The following ZNF653 variants were observed in gnomAD, a reference collection of about 807,000 sequenced individuals.
The protein encoded by ZNF653 is 67 kDa zinc finger protein.
ZNF653 carries 37 observed loss-of-function variants against 59.9 expected under a neutral mutation model. That is an observed-to-expected ratio of 0.62 (90% CI 0.48 to 0.81). The LOEUF (loss-of-function observed/expected upper bound fraction) is 0.81. Ranked by LOEUF, ZNF653 falls within the 40% of genes least tolerant of loss-of-function variation. The pLI is 0.00. For missense variants in ZNF653, 808 were observed against 881.1 expected (o/e 0.92, Z 1.05); for synonymous variants, 435 against 371.8 (o/e 1.17, Z -1.96).
intron 8 of ZNF653, 39 bp from the exon 9 acceptor site, chr19:11,483,898 T>A: frequency 5.6e-6 from 1 of 178,954 alleles, no homozygotes; most frequent in Non-Finnish European, 1.1e-5. Flanking sequence ...GGGGTCAGAG[T>A]GGGCGGGGCG....
Position 11,483,520 on chromosome 19 carries a change from C to T in ZNF653, c.*162G>A, listed in dbSNP as rs1257918986. 6.4e-6 allele frequency: 9 copies of T among 1,400,606 alleles called. No homozygotes were observed. The highest frequency in any genetic ancestry group is 8.4e-6 in the Non-Finnish European group (9 of 1,077,344). 86.8% of individuals were successfully genotyped at this position (1,400,606 alleles called of 1,614,324 possible). On this transcript the variant is annotated 3_prime_UTR_variant, in exon 9 of 9. Coordinates refer to ENST00000293771, the MANE Select transcript of ZNF653 (RefSeq NM_138783.4). ...CAGCTCCGAGAAGGATGCGGTGGGG[C>T]GGGGTGGGGAACCTGCCCAGGGGGC... is the stretch of plus-strand genomic sequence containing the variant.
chr19:11,490,315 G>A (rs981437947), intron 3 of ZNF653, among the ~76,000 whole-genome samples: 9 of 152,176 alleles, frequency 5.9e-5, no homozygotes, highest in Admixed American at 2.0e-4. Flanking sequence ...GGGTACCACC[G>A]TCCCAGCATC....
intron 1 of ZNF653, among the ~76,000 whole-genome samples, chr19:11,501,325 T>C (rs1171534007): frequency 6.6e-6 from 1 of 151,912 alleles, no homozygotes; most frequent in South Asian, 2.1e-4. Context: ...ACCACAGGCA[T>C]GCACCACCAC....
intron 2 of ZNF653, among the ~76,000 whole-genome samples, chr19:11,497,041 C>T (rs1971595953): frequency 6.6e-6 from 1 of 152,216 alleles, no homozygotes; most frequent in Admixed American, 6.5e-5. Flanking sequence ...GCTGTGCCTG[C>T]TTCCTCTAGA....
intron 6 of ZNF653, among the ~76,000 whole-genome samples, chr19:11,486,481 C>G (rs1393372452): frequency 2.6e-5 from 4 of 152,208 alleles, no homozygotes; most frequent in African/African-American, 9.6e-5. Context: ...CCAATTGATT[C>G]ATTCCTTTGT....
In ZNF653 at chr19:11,483,760, G is replaced by A. The variant is rs867686171; in HGVS notation, c.1770C>T (p.Arg590=). ...AEVQYNFTCD[R]CGKRFEKLDS... is the part of the protein sequence containing the mutation. ...CCAGCTTCTCGAAGCGCTTCCCGCA[G>A]CGATCGCACGTGAAGTTGTACTGCA... Residue 590 remains arginine (R), a synonymous_variant, in exon 9 of 9, where the codon CGC becomes CGT. Coordinates refer to ENST00000293771, the MANE Select transcript of ZNF653 (RefSeq NM_138783.4). The A allele has an allele frequency of 1.2e-6, 2 of 1,613,664 alleles. No individual in the cohort carries two copies. The highest frequency in any genetic ancestry group is 1.1e-5 in the South Asian group (1 of 91,046).
At position 11,505,812 on chromosome 19, in the gene ZNF653, C is replaced by T. The variant is rs1026553103; in HGVS notation, c.-26G>A. 14 of 1,365,954 alleles carry T rather than the reference C, an allele frequency of 1.0e-5. No individual in the cohort carries two copies. The highest frequency in any genetic ancestry group is 3.0e-5 in the East Asian group (1 of 33,550). The allele number at this position is 1,365,954 out of a possible 1,614,324, so 84.6% of individuals were successfully genotyped here. A position where few individuals can be genotyped will look rare whatever the true frequency, so the allele number is the denominator to read the frequency against. On this transcript the variant is annotated 5_prime_UTR_variant, in exon 1 of 9. Coordinates refer to ENST00000293771, the MANE Select transcript of ZNF653 (RefSeq NM_138783.4). ...CCCCCCCACCCTGGTTACCAGCCTC[C>T]CCCGTTGTTAGGAGCCAGACCGGAA...
intron 1 of ZNF653, among the ~76,000 whole-genome samples, chr19:11,501,706 G>T (rs1287167606): frequency 6.6e-6 from 1 of 152,170 alleles, no homozygotes; most frequent in African/African-American, 2.4e-5. Flanking sequence ...CACTGGCACC[G>T]GGCTGCTGCT....
intron 1 of ZNF653, among the ~76,000 whole-genome samples, chr19:11,502,715 G>A (rs1971659720): frequency 2.6e-5 from 4 of 152,068 alleles, no homozygotes; most frequent in African/African-American, 2.4e-5. Context: ...GCCCAGGCCC[G>A]GGTATGGTTT....
chr19:11,502,394 C>G lies in ZNF653; in HGVS notation c.299+3094G>C, dbSNP rs189835945. On this transcript the variant is annotated intron_variant, in intron 1 of 8. Transcript: ENST00000293771. ...GGCGTGAGCTACCATGCCTGGTCTT[C>G]CTTTTTTTTATTTTAATTGTTGACA... Among the ~76,000 whole-genome samples, 166 of 152,212 alleles carry G rather than the reference C, an allele frequency of 1.1e-3. 4 individuals carry two copies. The East Asian group carries it at 0.029, about 27-fold the overall frequency.
rs1215380054 is a variant in ZNF653, at chr19:11,483,568, G to A, written c.*114C>T. The A allele has an allele frequency of 7.8e-6, 11 of 1,418,154 alleles. No homozygotes were observed. In the African/African-American group the frequency reaches 8.9e-5, roughly 11 times the overall value. The allele number at this position is 1,418,154 out of a possible 1,614,324, so 87.8% of individuals were successfully genotyped here. The stretch of plus-strand genomic sequence containing the variant: ...GGCCCAGCTCTGGGGCGGGGCGGGG[G>A]CGCCTCCTTCCGGCCCGCGGTCCGG... On this transcript the variant is annotated 3_prime_UTR_variant, in exon 9 of 9. Transcript: ENST00000293771.
chr19:11,491,784 A>G (rs1971532597), intron 3 of ZNF653, among the ~76,000 whole-genome samples: 1 of 151,832 alleles, frequency 6.6e-6, no homozygotes, highest in African/African-American at 2.4e-5. Flanking sequence ...TCACCGTGTT[A>G]GCCAGGATGG....
At chr19:11,485,792 G>A in intron 6 of ZNF653, 22 bp from the exon 7 acceptor site, 1 of 1,596,122 alleles carries the variant, frequency 6.3e-7, no homozygotes, top group African/African-American at 1.3e-5. Context: ...ACAGGCAGAA[G>A]TGGGTCCCAT....
chr19:11,504,486 G>A (rs1971684764), intron 1 of ZNF653: 1 of 982,272 alleles, frequency 1.0e-6, no homozygotes, highest in Non-Finnish European at 1.2e-6. Context: ...CAGAATGTCC[G>A]CTCCATGAGG....
rs768117082 is a variant in ZNF653, at chr19:11,483,803, T to C, written c.1727A>G (p.Lys576Arg). ...RQRASLNWHMKKHTAEVQYNF... is the reference protein window; with the variant it reads ...RQRASLNWHMRKHTAEVQYNF... ...GTACTGCACCTCCGCAGTGTGCTTC[T>C]TCATGTGCCAGTTGAGCGACGCGCG... Residue 576 changes from lysine to arginine, a missense_variant, in exon 9 of 9, where the codon AAG (lysine) becomes AGG (arginine). Coordinates refer to ENST00000293771, the MANE Select transcript of ZNF653 (RefSeq NM_138783.4). 1.2e-6 allele frequency: 2 copies of C among 1,612,532 alleles called. No individual in the cohort carries two copies. The highest frequency in any genetic ancestry group is 8.5e-7 in the Non-Finnish European group (1 of 1,179,328).
intron 5 of ZNF653, 23 bp downstream of exon 5, chr19:11,486,964 C>A: frequency 6.2e-7 from 1 of 1,612,496 alleles, no homozygotes; most frequent in Non-Finnish European, 8.5e-7. Context: ...CTCGCCCTCA[C>A]CCTTGCCCGC....
At chr19:11,488,594 C>G (rs1198594106) in intron 3 of ZNF653, among the ~76,000 whole-genome samples, 1 of 131,058 alleles carries the variant, frequency 7.6e-6, no homozygotes, top group African/African-American at 4.2e-5. Flanking sequence ...CTGAATTTTT[C>G]TTTTCTTTTC....
At chr19:11,505,011 G>C (rs1001155725) in intron 1 of ZNF653, 1 of 156,928 alleles carries the variant, frequency 6.4e-6, no homozygotes, top group Non-Finnish European at 1.4e-5. Context: ...GTTGGATCTA[G>C]GGTTGTGGGA....
At chr19:11,502,176 C>T (rs1971653152) in intron 1 of ZNF653, among the ~76,000 whole-genome samples, 1 of 152,182 alleles carries the variant, frequency 6.6e-6, no homozygotes, top group Non-Finnish European at 1.5e-5. Context: ...ACTGCAACCT[C>T]CACCTCCCGG....
Sources: allele counts gnomAD v4.1 joint callset (sites outside exome capture counted in the v4.1 genomes callset), GRCh38; gene constraint gnomAD v4.1.1; transcripts MANE v1.5; gene names NCBI Gene and HGNC (gene_info 2026-07-23, HGNC 2026-07-21).